The following RAB35 variants were observed in gnomAD, a reference collection of about 807,000 sequenced individuals.
RAB35 encodes the protein ras-related protein Rab-35.
Under a neutral mutation model 28.9 loss-of-function variants are expected in RAB35, and 4 were observed. The ratio of observed to expected loss-of-function variants is 0.14; its 90% confidence interval spans 0.07 to 0.32. The LOEUF (loss-of-function observed/expected upper bound fraction) is 0.32. Among genes scored for constraint, RAB35 ranks in the 10% least tolerant of loss-of-function variants. The probability of loss-of-function intolerance (pLI) is 1.00; values close to 1 mark genes in which losing one functional copy is unlikely to be tolerated. For synonymous variants in RAB35, 99 were observed against 105.1 expected (o/e 0.94, Z 0.35); for missense variants, 128 against 274.0 (o/e 0.47, Z 3.76).
At position 120,097,033 on chromosome 12, in the gene RAB35, G is replaced by A. The variant is rs761142198; in HGVS notation, c.*212C>T. 3.1e-5 allele frequency: 47 copies of A among 1,520,126 alleles called. No individual in the cohort carries two copies. Among genetic ancestry groups the A allele is most frequent in the Non-Finnish European group, 4.0e-5 (45 of 1,137,058 alleles). 94.2% of individuals were successfully genotyped at this position (1,520,126 alleles called of 1,614,324 possible). On this transcript the variant is annotated 3_prime_UTR_variant, in exon 6 of 6. Coordinates refer to ENST00000229340, the MANE Select transcript of RAB35 (RefSeq NM_006861.7). ...CCAGGCGCCTTGGCCGGGGAGGAGG[G>A]GGCACCAGTAGGGAAGGGCGGGCTG...
chr12:120,096,518 T>C lies in RAB35; in HGVS notation c.*727A>G, dbSNP rs1875401307. The C allele has an allele frequency of 4.7e-6, 6 of 1,289,804 alleles. No individual in the cohort carries two copies. The highest frequency in any genetic ancestry group is 6.1e-6 in the Non-Finnish European group (6 of 988,886). The allele number at this position is 1,289,804 out of a possible 1,614,324, so 79.9% of individuals were successfully genotyped here. On this transcript the variant is annotated 3_prime_UTR_variant, in exon 6 of 6. Coordinates refer to ENST00000229340, the MANE Select transcript of RAB35 (RefSeq NM_006861.7). The stretch of plus-strand genomic sequence containing the variant: ...ACCTGTTGGTGTAAATGAGAAGCCA[T>C]GGCTGCCCTGGGTTTGGAGCTCAGA...
chr12:120,106,796 C>T (rs1193674849), intron 2 of RAB35, among the ~76,000 whole-genome samples: 1 of 151,872 alleles, frequency 6.6e-6, no homozygotes, highest in Non-Finnish European at 1.5e-5. Flanking sequence ...ACCATATTGG[C>T]CAGGATGGTC....
intron 3 of RAB35, among the ~76,000 whole-genome samples, chr12:120,102,988 T>C (rs1875719225): frequency 6.6e-6 from 1 of 152,086 alleles, no homozygotes; most frequent in Non-Finnish European, 1.5e-5. Flanking sequence ...CACACAGAGC[T>C]GCCAGACACC....
In RAB35 at chr12:120,098,923, T is replaced by C; in HGVS notation, c.365A>G (p.Asn122Ser). The C allele has an allele frequency of 6.2e-7, 1 of 1,614,236 alleles. No individual in the cohort carries two copies. The highest frequency in any genetic ancestry group is 8.5e-7 in the Non-Finnish European group (1 of 1,180,044). The change falls in exon 5 of 6, where the codon AAT (asparagine) becomes AGT (serine). Residue 122 changes from asparagine (N) to serine (S), a missense_variant. Asn to Ser is a conservative substitution (Grantham distance 46). Coordinates refer to ENST00000229340, the MANE Select transcript of RAB35 (RefSeq NM_006861.7). ...CACCACCTTCCGCTCAGGGTCGTCA[T>C]TCTTATTACCCACTTCAAACGAAGG... ...DVCRILVGNK[N>S]DDPERKVVET...
intron 1 of RAB35, among the ~76,000 whole-genome samples, chr12:120,113,144 G>A (rs1011399999): frequency 4.2e-4 from 64 of 150,872 alleles, no homozygotes; most frequent in Non-Finnish European, 1.5e-4. Flanking sequence ...TGCCCACCTC[G>A]GCCTCCCAAA....
In RAB35 at chr12:120,096,347, A is replaced by C; in HGVS notation, c.*898T>G. 1 of 1,157,148 alleles carries C rather than the reference A, an allele frequency of 8.6e-7. No individual in the cohort carries two copies. Among genetic ancestry groups the C allele is most frequent in the African/African-American group, 1.6e-5 (1 of 62,406 alleles). 71.7% of individuals were successfully genotyped at this position (1,157,148 alleles called of 1,614,324 possible). The stretch of plus-strand genomic sequence containing the variant: ...TCAACTTTTGCTGCTGTGCCAATCA[A>C]ACCTCAGGGAAAGAAAATAATTGTG... On this transcript the variant is annotated 3_prime_UTR_variant, in exon 6 of 6. Transcript: ENST00000229340.
chr12:120,112,786 G>A (rs1366552491), intron 1 of RAB35, among the ~76,000 whole-genome samples: 1 of 149,182 alleles, frequency 6.7e-6, no homozygotes, highest in African/African-American at 2.5e-5. Flanking sequence ...GTGCAGTTGT[G>A]TGATCCTAAC....
At chr12:120,097,411 G>A (rs778049758) in intron 5 of RAB35, 38 bp from the exon 6 acceptor site, 18 of 1,560,642 alleles carry the variant, frequency 1.2e-5, no homozygotes, top group Non-Finnish European at 1.4e-5. Flanking sequence ...CCTCAGACCT[G>A]GCCAGGAGGC....
chr12:120,115,071 C>A lies in RAB35; in HGVS notation c.52+1528G>T, dbSNP rs553273242. On this transcript the variant is annotated intron_variant, in intron 1 of 5. Transcript: ENST00000229340. ...CTTGCCTGGTTTCCCTTCATTCAAA[C>A]CATAACCAGTCAGTACTCCACCTTT... Among the ~76,000 whole-genome samples the A allele has an allele frequency of 2.0e-5, 3 of 152,248 alleles. No individual in the cohort carries two copies. The East Asian group carries it at 5.8e-4, about 29-fold the overall frequency.
rs1876353814 is a variant in RAB35, at chr12:120,116,661, G to A, written c.-11C>T. 1.6e-6 allele frequency: 2 copies of A among 1,224,588 alleles called. No homozygotes were observed. The highest frequency in any genetic ancestry group is 2.0e-6 in the Non-Finnish European group (2 of 983,218). 75.9% of individuals were successfully genotyped at this position (1,224,588 alleles called of 1,614,324 possible). A position where few individuals can be genotyped will look rare whatever the true frequency, so the allele number is the denominator to read the frequency against. On this transcript the variant is annotated 5_prime_UTR_variant, in exon 1 of 6. Coordinates refer to ENST00000229340, the MANE Select transcript of RAB35 (RefSeq NM_006861.7). ...GTAGTCCCGGGCCATGGCGGGCGGG[G>A]GCGGTGCGCGCGGGCGGGCGGGGTC...
chr12:120,095,836 G>A lies in RAB35; in HGVS notation c.*1409C>T, dbSNP rs1226427353. 1 of 153,622 alleles carries A rather than the reference G, an allele frequency of 6.5e-6. No individual in the cohort carries two copies. The highest frequency in any genetic ancestry group is 1.4e-5 in the Non-Finnish European group (1 of 69,110). 9.5% of individuals were successfully genotyped at this position (153,622 alleles called of 1,614,324 possible). The stretch of plus-strand genomic sequence containing the variant: ...ATCTGTGATGTGATTGTCCAATCAG[G>A]GCTCTCCCTGGAAATCGCCTAGGAA... On this transcript the variant is annotated 3_prime_UTR_variant, in exon 6 of 6. Transcript: ENST00000229340.
intron 1 of RAB35, among the ~76,000 whole-genome samples, chr12:120,115,765 A>C (rs918054431): frequency 6.6e-6 from 1 of 152,202 alleles, no homozygotes; most frequent in Non-Finnish European, 1.5e-5. Flanking sequence ...TGGCCAAAGC[A>C]CTTTTATAAT....
chr12:120,109,512 A>G (rs1247811921), intron 1 of RAB35, among the ~76,000 whole-genome samples: 1 of 151,838 alleles, frequency 6.6e-6, no homozygotes, highest in Non-Finnish European at 1.5e-5. Context: ...TGGTGCAATC[A>G]TGTCTCACCA....
At chr12:120,107,549 C>T (rs941400223) in intron 2 of RAB35, among the ~76,000 whole-genome samples, 11 of 152,034 alleles carry the variant, frequency 7.2e-5, no homozygotes, top group Non-Finnish European at 4.4e-5. Context: ...CCAGTAACCC[C>T]ACTTCTACAG....
At chr12:120,113,586 A>G (rs973172120) in intron 1 of RAB35, among the ~76,000 whole-genome samples, 12 of 152,148 alleles carry the variant, frequency 7.9e-5, no homozygotes, top group African/African-American at 2.7e-4. Context: ...TGGGAGGCCG[A>G]GGCGGGCGGA....
intron 1 of RAB35, among the ~76,000 whole-genome samples, chr12:120,109,585 C>T (rs1449099903): frequency 6.6e-6 from 1 of 151,936 alleles, no homozygotes; most frequent in African/African-American, 2.4e-5. Context: ...GCTGGGACCA[C>T]ATGTGCATAC....
chr12:120,099,233 G>C, intron 3 of RAB35, 79 bp from the exon 4 acceptor site: 2 of 1,581,146 alleles, frequency 1.3e-6, no homozygotes, highest in Non-Finnish European at 1.7e-6. Flanking sequence ...GCCCACGTCA[G>C]GACACTGACC....
intron 2 of RAB35, among the ~76,000 whole-genome samples, chr12:120,105,916 C>CAAAAA (rs61681731): frequency 6.0e-5 from 3 of 49,794 alleles, no homozygotes; most frequent in African/African-American, 6.7e-5. Flanking sequence ...GACTCCGTCT[C>CAAAAA]AAAAAAAAAA....
chr12:120,099,360 G>A (rs1004417545), intron 3 of RAB35: 73 of 657,008 alleles, frequency 1.1e-4, no homozygotes, highest in Non-Finnish European at 1.7e-4. Context: ...CCCCCTGCCC[G>A]CCCGGGGCAC....
Sources: allele counts gnomAD v4.1 joint callset (sites outside exome capture counted in the v4.1 genomes callset), GRCh38; gene constraint gnomAD v4.1.1; transcripts MANE v1.5; gene names NCBI Gene and HGNC (gene_info 2026-07-23, HGNC 2026-07-21).